Variants in PLA2G12A observed in about 807,000 individuals in gnomAD.
PLA2G12A encodes the protein phospholipase A2 group XIIA, also known as group XIIA secretory phospholipase A2.
Under a neutral mutation model 16.0 loss-of-function variants are expected in PLA2G12A, and 11 were observed. That is an observed-to-expected ratio of 0.69 (90% CI 0.43 to 1.13). The LOEUF (loss-of-function observed/expected upper bound fraction) is 1.13, where lower values mean the gene tolerates loss of function less well. Among genes scored for constraint, PLA2G12A ranks in the 50% most tolerant of loss-of-function variants. PLA2G12A has a pLI of 0.00. For missense variants in PLA2G12A, 214 were observed against 237.3 expected (o/e 0.90, Z 0.65); for synonymous variants, 77 against 93.8 (o/e 0.82, Z 1.03).
At chr4:109,719,487 T>C (rs2126167126) in intron 1 of PLA2G12A, among the ~76,000 whole-genome samples, 1 of 152,304 alleles carries the variant, frequency 6.6e-6, no homozygotes, top group African/African-American at 2.4e-5. Context: ...AAGGCTAATG[T>C]TCCCCAGTAG....
rs1016112287 is a variant in PLA2G12A, at chr4:109,717,410, C to T, written c.451+138G>A. ...AGATTATAAAATCATCAGCTCCTCA[C>T]CTCAGAAAATTGAAGTCTGTGTCAC... On this transcript the variant is annotated intron_variant, in intron 3 of 3. Coordinates refer to ENST00000243501, the MANE Select transcript of PLA2G12A (RefSeq NM_030821.5). The T allele has an allele frequency of 7.7e-6, 7 of 912,472 alleles. No homozygotes were observed. The East Asian group carries it at 1.8e-4, about 23-fold the overall frequency. 56.5% of individuals were successfully genotyped at this position (912,472 alleles called of 1,614,324 possible). A position where few individuals can be genotyped will look rare whatever the true frequency, so the allele number is the denominator to read the frequency against.
chr4:109,711,293 G>A lies in PLA2G12A; in HGVS notation c.*3084C>T, dbSNP rs747365673. The A allele has an allele frequency of 3.9e-5, 6 of 152,056 alleles. No homozygotes were observed. The highest frequency in any genetic ancestry group is 7.4e-5 in the Non-Finnish European group (5 of 68,022). The allele number at this position is 152,056 out of a possible 1,614,324, so 9.4% of individuals were successfully genotyped here. A position where few individuals can be genotyped will look rare whatever the true frequency, so the allele number is the denominator to read the frequency against. Reference sequence around the variant, plus strand: ...TGCTACAAACAGTGACATCCCAGTAGCAACAAGCACATCTAATGCCCAGAT... The same window carrying A: ...TGCTACAAACAGTGACATCCCAGTAACAACAAGCACATCTAATGCCCAGAT... On this transcript the variant is annotated 3_prime_UTR_variant, in exon 4 of 4. Coordinates refer to ENST00000243501, the MANE Select transcript of PLA2G12A (RefSeq NM_030821.5).
intron 3 of PLA2G12A, 38 bp from the exon 4 acceptor site, chr4:109,714,533 G>A (rs1730793197): frequency 2.2e-6 from 3 of 1,342,034 alleles, no homozygotes; most frequent in African/African-American, 2.9e-5. Flanking sequence ...TTGGGCAACT[G>A]CATTGCTCTT....
At chr4:109,725,383 G>A (rs1722913579) in intron 1 of PLA2G12A, among the ~76,000 whole-genome samples, 1 of 152,140 alleles carries the variant, frequency 6.6e-6, no homozygotes, top group Non-Finnish European at 1.5e-5. Context: ...TGTTACAAAT[G>A]TATTAATATT....
chr4:109,719,885 T>G (rs1197157206), intron 1 of PLA2G12A, among the ~76,000 whole-genome samples: 1 of 152,180 alleles, frequency 6.6e-6, no homozygotes, highest in African/African-American at 2.4e-5. Context: ...CCGCTAACCT[T>G]CGATTTGTTA....
intron 2 of PLA2G12A, 58 bp from the exon 3 acceptor site, chr4:109,717,771 C>T: frequency 6.7e-7 from 1 of 1,499,544 alleles, no homozygotes; most frequent in Non-Finnish European, 9.2e-7. Context: ...CTCTGAAGTA[C>T]TGCATTCAAA....
chr4:109,712,217 A>C lies in PLA2G12A; in HGVS notation c.*2160T>G, dbSNP rs1730745767. ...TTACTTAGCTTCTGACAAATGCTTC[A>C]TGGTTAAATAAAAGGTTAACACTGG... On this transcript the variant is annotated 3_prime_UTR_variant, in exon 4 of 4. Transcript: ENST00000243501. 1 of 152,242 alleles carries C rather than the reference A, an allele frequency of 6.6e-6. No homozygotes were observed. Among genetic ancestry groups the C allele is most frequent in the African/African-American group, 2.4e-5 (1 of 41,474 alleles). 9.4% of individuals were successfully genotyped at this position (152,242 alleles called of 1,614,324 possible).
intron 1 of PLA2G12A, among the ~76,000 whole-genome samples, chr4:109,727,124 A>ATTG (rs1722956760): frequency 6.6e-6 from 1 of 151,324 alleles, no homozygotes; most frequent in Non-Finnish European, 1.5e-5. Flanking sequence ...TATTATTATT[A>ATTG]TTATTATTTT....
In PLA2G12A at chr4:109,717,566, G is replaced by C; in HGVS notation, c.433C>G (p.Leu145Val). Residue 145 changes from leucine (L) to valine (V), a missense_variant, in exon 3 of 4, where the codon CTA becomes GTA. By Grantham distance (32) the Leu-to-Val change is conservative. Coordinates refer to ENST00000243501, the MANE Select transcript of PLA2G12A (RefSeq NM_030821.5). Reference sequence around the variant, plus strand: ...TCCTTACCCTGAACATGCTGAGTTAGTCCTAGTGTTTTCTGTACATCTCGG... The same window carrying C: ...TCCTTACCCTGAACATGCTGAGTTACTCCTAGTGTTTTCTGTACATCTCGG... ...ICRDVQKTLG[L>V]TQHVQACETT... 1 of 1,613,814 alleles carries C rather than the reference G, an allele frequency of 6.2e-7. No individual in the cohort carries two copies. Among genetic ancestry groups the C allele is most frequent in the Non-Finnish European group, 8.5e-7 (1 of 1,179,746 alleles).
At position 109,730,016 on chromosome 4, in the gene PLA2G12A, C is replaced by G; in HGVS notation, c.-207G>C. 1 of 515,322 alleles carries G rather than the reference C, an allele frequency of 1.9e-6. No individual in the cohort carries two copies. The highest frequency in any genetic ancestry group is 3.4e-6 in the Non-Finnish European group (1 of 297,688). The allele number at this position is 515,322 out of a possible 1,614,324, so 31.9% of individuals were successfully genotyped here. A position where few individuals can be genotyped will look rare whatever the true frequency, so the allele number is the denominator to read the frequency against. On this transcript the variant is annotated 5_prime_UTR_variant, in exon 1 of 4. Transcript: ENST00000243501. ...AGGCAGCGCCGTCGCGGGGACGCGCCCGCTCACCTGGACCAGCGCGCCCGC... is the reference window on the plus strand; with the variant it reads ...AGGCAGCGCCGTCGCGGGGACGCGCGCGCTCACCTGGACCAGCGCGCCCGC...
At chr4:109,714,663 A>C (rs548315690) in intron 3 of PLA2G12A, among the ~76,000 whole-genome samples, 168 bp from the exon 4 acceptor site, 1 of 151,762 alleles carries the variant, frequency 6.6e-6, no homozygotes, top group African/African-American at 2.4e-5. Context: ...ACACACATAT[A>C]TATCTACAGA....
At chr4:109,722,297 C>T (rs985270077) in intron 1 of PLA2G12A, among the ~76,000 whole-genome samples, 1 of 152,196 alleles carries the variant, frequency 6.6e-6, no homozygotes, top group Non-Finnish European at 1.5e-5. Context: ...ACCTGCTCTT[C>T]CTGTATGTGG....
intron 2 of PLA2G12A, 116 bp downstream of exon 2, chr4:109,718,567 T>A: frequency 2.6e-6 from 2 of 781,560 alleles, no homozygotes; most frequent in Non-Finnish European, 4.2e-6. Context: ...ACCTGATCAC[T>A]CTTACACCCA....
chr4:109,730,006 G>T lies in PLA2G12A; in HGVS notation c.-197C>A. On this transcript the variant is annotated 5_prime_UTR_variant, in exon 1 of 4. Transcript: ENST00000243501. ...CGCCTCGGGCAGGCAGCGCCGTCGCGGGGACGCGCCCGCTCACCTGGACCA... is the reference window on the plus strand; with the variant it reads ...CGCCTCGGGCAGGCAGCGCCGTCGCTGGGACGCGCCCGCTCACCTGGACCA... The T allele has an allele frequency of 1.9e-6, 1 of 528,216 alleles. No homozygotes were observed. Among genetic ancestry groups the T allele is most frequent in the Non-Finnish European group, 3.3e-6 (1 of 307,532 alleles). 32.7% of individuals were successfully genotyped at this position (528,216 alleles called of 1,614,324 possible).
chr4:109,729,553 C>T (rs2126169605), intron 1 of PLA2G12A, 49 bp downstream of exon 1: 1 of 1,573,116 alleles, frequency 6.4e-7, no homozygotes, highest in East Asian at 2.3e-5. Context: ...CTCCGTCACC[C>T]CAATCCCCCG....
rs1180383497 is a variant in PLA2G12A, at chr4:109,712,417, T to G, written c.*1960A>C. The stretch of plus-strand genomic sequence containing the variant: ...TATAACGATATTGAGTTTGTCCTTT[T>G]GAGAAAGCCAATGCTGCTAACAAAA... On this transcript the variant is annotated 3_prime_UTR_variant, in exon 4 of 4. Transcript: ENST00000243501. The G allele has an allele frequency of 6.6e-6, 1 of 152,224 alleles. No individual in the cohort carries two copies. The highest frequency in any genetic ancestry group is 1.9e-4 in the East Asian group (1 of 5,204). The allele number at this position is 152,224 out of a possible 1,614,324, so 9.4% of individuals were successfully genotyped here.
Position 109,710,676 on chromosome 4 carries a change from A to G in PLA2G12A, c.*3701T>C, listed in dbSNP as rs1009544317. On this transcript the variant is annotated 3_prime_UTR_variant, in exon 4 of 4. Coordinates refer to ENST00000243501, the MANE Select transcript of PLA2G12A (RefSeq NM_030821.5). Reference sequence around the variant, plus strand: ...AGACAGGGTTTTGCCATGTTGGCCAAGCTGGTCTCGAACTTCTGACTTTGA... The same window carrying G: ...AGACAGGGTTTTGCCATGTTGGCCAGGCTGGTCTCGAACTTCTGACTTTGA... 3.3e-5 allele frequency: 5 copies of G among 152,202 alleles called. No individual in the cohort carries two copies. Among genetic ancestry groups the G allele is most frequent in the African/African-American group, 9.7e-5 (4 of 41,432 alleles). 9.4% of individuals were successfully genotyped at this position (152,202 alleles called of 1,614,324 possible). A position where few individuals can be genotyped will look rare whatever the true frequency, so the allele number is the denominator to read the frequency against.
chr4:109,721,325 T>C (rs1730938046), intron 1 of PLA2G12A, among the ~76,000 whole-genome samples: 1 of 151,462 alleles, frequency 6.6e-6, no homozygotes, highest in Admixed American at 6.6e-5. Context: ...CATTCTTTTT[T>C]TTTTTTTTTT....
rs545079196 is a variant in PLA2G12A, at chr4:109,711,935, C to T, written c.*2442G>A. On this transcript the variant is annotated 3_prime_UTR_variant, in exon 4 of 4. Transcript: ENST00000243501. Reference sequence around the variant, plus strand: ...CTAAAAATCTATAACCCCACTCTAACCATGAGGAAAACATCAGACAAACCC... The same window carrying T: ...CTAAAAATCTATAACCCCACTCTAATCATGAGGAAAACATCAGACAAACCC... 1 of 152,686 alleles carries T rather than the reference C, an allele frequency of 6.5e-6. No individual in the cohort carries two copies. Among genetic ancestry groups the T allele is most frequent in the Admixed American group, 6.5e-5 (1 of 15,286 alleles). The allele number at this position is 152,686 out of a possible 1,614,324, so 9.5% of individuals were successfully genotyped here. A position where few individuals can be genotyped will look rare whatever the true frequency, so the allele number is the denominator to read the frequency against.
Sources: allele counts gnomAD v4.1 joint callset (sites outside exome capture counted in the v4.1 genomes callset), GRCh38; gene constraint gnomAD v4.1.1; transcripts MANE v1.5; gene names NCBI Gene and HGNC (gene_info 2026-07-23, HGNC 2026-07-21).